USH2A: variants seen among roughly 807,000 people sequenced by gnomAD.
USH2A encodes usherin.
Under a neutral mutation model 538.9 loss-of-function variants are expected in USH2A, and 443 were observed. That is an observed-to-expected ratio of 0.82 (90% CI 0.76 to 0.89). The LOEUF is 0.89. Ranked by LOEUF, USH2A falls within the 40% of genes least tolerant of loss-of-function variation. The pLI is 0.00. For synonymous variants in USH2A, 2,413 were observed against 2,273.5 expected (o/e 1.06, Z -1.75); for missense variants, 6,633 against 6,324.8 (o/e 1.05, Z -1.65).
At chr1:216,153,246 T>C (rs1039535010) in intron 21 of USH2A, among the ~76,000 whole-genome samples, 5 of 152,172 alleles carry the variant, frequency 3.3e-5, no homozygotes, top group Non-Finnish European at 7.3e-5. Flanking sequence ...AAGCCATATG[T>C]GGATGGCACA....
chr1:215,882,780 T>C (rs1435017424), intron 41 of USH2A, among the ~76,000 whole-genome samples: 1 of 152,052 alleles, frequency 6.6e-6, no homozygotes, highest in African/African-American at 2.4e-5. Flanking sequence ...ACACACCCTA[T>C]TATTTTTTAT....
chr1:216,307,760 C>T (rs1188163184), intron 9 of USH2A, among the ~76,000 whole-genome samples: 1 of 152,126 alleles, frequency 6.6e-6, no homozygotes, highest in Admixed American at 6.5e-5. Flanking sequence ...AGGGCTCTTC[C>T]CCCTGCTTCC....
chr1:215,704,766 A>G (rs1659136575), intron 61 of USH2A, among the ~76,000 whole-genome samples: 1 of 152,202 alleles, frequency 6.6e-6, no homozygotes, highest in Non-Finnish European at 1.5e-5. Context: ...ATGTATTTCC[A>G]TCCTTGAAAA....
At chr1:216,282,427 G>C (rs2036801237) in intron 11 of USH2A, among the ~76,000 whole-genome samples, 1 of 152,104 alleles carries the variant, frequency 6.6e-6, no homozygotes, top group Admixed American at 6.5e-5. Flanking sequence ...AGGAGTCCAA[G>C]TTCATTCTTT....
At chr1:216,355,279 G>C (rs1467714672) in intron 4 of USH2A, among the ~76,000 whole-genome samples, 1 of 145,724 alleles carries the variant, frequency 6.9e-6, no homozygotes, top group African/African-American at 2.6e-5. Flanking sequence ...CTCCAGCCTG[G>C]GTTGACAGAG....
chr1:216,363,391 C>T (rs902393812), intron 4 of USH2A, among the ~76,000 whole-genome samples: 2 of 151,984 alleles, frequency 1.3e-5, no homozygotes, highest in East Asian at 1.9e-4. Context: ...GGGGTGACTA[C>T]ACTTTAGAGA....
chr1:216,146,372 G>A (rs955904719), intron 21 of USH2A, among the ~76,000 whole-genome samples: 2 of 152,068 alleles, frequency 1.3e-5, no homozygotes, highest in East Asian at 1.9e-4. Flanking sequence ...AAACTCCGGC[G>A]CTGGTCACAG....
intron 3 of USH2A, among the ~76,000 whole-genome samples, chr1:216,371,210 A>T (rs2038707951): frequency 6.6e-6 from 1 of 152,224 alleles, no homozygotes; most frequent in South Asian, 2.1e-4. Flanking sequence ...AACAAATTTA[A>T]TCCCTTTTCC....
chr1:215,769,045 T>C (rs1661208921), intron 55 of USH2A, among the ~76,000 whole-genome samples: 1 of 152,216 alleles, frequency 6.6e-6, no homozygotes, highest in Non-Finnish European at 1.5e-5. Flanking sequence ...TTCCTCATAA[T>C]TCCATCGGTA....
intron 61 of USH2A, among the ~76,000 whole-genome samples, chr1:215,688,285 GAGA>G (rs529724894): frequency 1.5e-3 from 223 of 152,204 alleles, no homozygotes; most frequent in African/African-American, 5.1e-3. Context: ...GGGTGATGGA[GAGA>G]AGAATGGCCC....
chr1:216,422,602 T>C (rs2039698495), intron 1 of USH2A, 62 bp from the exon 2 acceptor site: 1 of 447,558 alleles, frequency 2.2e-6, no homozygotes, highest in Non-Finnish European at 4.1e-6. Context: ...CTGAAGCTCA[T>C]CCCAGGCCTG....
At chr1:215,750,997 A>T (rs1349024732) in intron 58 of USH2A, among the ~76,000 whole-genome samples, 1 of 152,170 alleles carries the variant, frequency 6.6e-6, no homozygotes, top group Non-Finnish European at 1.5e-5. Flanking sequence ...TTTTCTTCTG[A>T]AACTCACCAC....
chr1:216,183,829 G>A (rs1029561054), intron 20 of USH2A, among the ~76,000 whole-genome samples: 13 of 151,912 alleles, frequency 8.6e-5, no homozygotes, highest in Non-Finnish European at 1.3e-4. Flanking sequence ...TCCTAAATGT[G>A]CGGTTCTTTC....
Position 216,289,269 on chromosome 1 carries a change from G to GA in USH2A, c.1971+10dup. ...AGTAATCCTTTACCTTAAATACTCA[G>GA]AAAAACTCACCTGATCACAAAGAAT... On this transcript the variant is annotated intron_variant, in intron 11 of 71. Coordinates refer to ENST00000307340, the MANE Select transcript of USH2A (RefSeq NM_206933.4). 1 of 1,613,678 alleles carries GA rather than the reference G, an allele frequency of 6.2e-7. No homozygotes were observed. Among genetic ancestry groups the GA allele is most frequent in the Non-Finnish European group, 8.5e-7 (1 of 1,179,724 alleles).
chr1:216,321,752 A>G (rs2102650293), intron 9 of USH2A, 131 bp downstream of exon 9: 1 of 795,418 alleles, frequency 1.3e-6, no homozygotes, highest in East Asian at 2.6e-5. Flanking sequence ...ATCTGCAATA[A>G]TTGACATTTT....
rs116581480 is a variant in USH2A, at chr1:215,759,188, T to C, written c.11232-436A>G. On this transcript the variant is annotated intron_variant, in intron 57 of 71. Coordinates refer to ENST00000307340, the MANE Select transcript of USH2A (RefSeq NM_206933.4). Reference sequence around the variant, plus strand: ...GTAAAACATCTGTTGATTTAAGATATGTTTTTGTCTCTGCTGAGAAATGAA... The same window carrying C: ...GTAAAACATCTGTTGATTTAAGATACGTTTTTGTCTCTGCTGAGAAATGAA... Among the ~76,000 whole-genome samples, 661 of 152,304 alleles carry C rather than the reference T, an allele frequency of 4.3e-3. 3 individuals are homozygous for C. Among genetic ancestry groups the C allele is most frequent in the Non-Finnish European group, 7.0e-3 (473 of 68,026 alleles).
chr1:215,762,704 A>C (rs1200400809), intron 56 of USH2A, among the ~76,000 whole-genome samples: 1 of 152,136 alleles, frequency 6.6e-6, no homozygotes, highest in African/African-American at 2.4e-5. Context: ...TGTCCCCTTC[A>C]CCATGTAACT....
intron 35 of USH2A, among the ~76,000 whole-genome samples, chr1:215,990,332 G>C (rs1159617197): frequency 1.3e-5 from 2 of 152,200 alleles, no homozygotes; most frequent in Non-Finnish European, 2.9e-5. Flanking sequence ...ACACTGGATG[G>C]TAAGTACTTC....
intron 3 of USH2A, among the ~76,000 whole-genome samples, chr1:216,397,859 C>T (rs555045045): frequency 6.6e-6 from 1 of 152,314 alleles, no homozygotes; most frequent in African/African-American, 2.4e-5. Context: ...TGTCGTGGGA[C>T]ATTGCCTTTA....
Sources: gnomAD v4.1 joint callset for allele counts (sites outside exome capture counted in the v4.1 genomes callset) on GRCh38, gnomAD v4.1.1 for gene constraint, MANE v1.5 for transcripts, NCBI Gene and HGNC (gene_info 2026-07-23, HGNC 2026-07-21) for gene names.